The following CCDC40 variants were observed in gnomAD, a reference collection of about 807,000 sequenced individuals.
CCDC40 encodes coiled-coil domain 40 molecular ruler complex subunit, also known as coiled-coil domain-containing protein 40.
CCDC40 carries 104 observed loss-of-function variants against 124.5 expected under a neutral mutation model. The observed-to-expected ratio is 0.84, with a 90% confidence interval of 0.71 to 0.98. The LOEUF (loss-of-function observed/expected upper bound fraction) is 0.98. Ranked by LOEUF, CCDC40 falls within the 50% of genes least tolerant of loss-of-function variation. The pLI, the probability that CCDC40 is intolerant of heterozygous loss-of-function variation, is 0.00. For missense variants in CCDC40, 1,463 were observed against 1,503.9 expected (o/e 0.97, Z 0.45); for synonymous variants, 580 against 602.9 (o/e 0.96, Z 0.56).
chr17:80,053,214 G>C (rs2037650942), intron 7 of CCDC40, among the ~76,000 whole-genome samples: 1 of 152,204 alleles, frequency 6.6e-6, no homozygotes, highest in Non-Finnish European at 1.5e-5. Flanking sequence ...AGCTGAAAGA[G>C]AAAATAAACC....
intron 1 of CCDC40, 167 bp from the exon 2 acceptor site, chr17:80,037,956 G>GAT: frequency 4.9e-6 from 3 of 613,018 alleles, no homozygotes; most frequent in Non-Finnish European, 9.2e-6. Context: ...TGACAGGCAT[G>GAT]ATATAGTGCT....
chr17:80,082,222 A>C (rs959373864), intron 12 of CCDC40, among the ~76,000 whole-genome samples, 164 bp downstream of exon 12: 3 of 708 alleles, frequency 4.2e-3, no homozygotes, highest in Non-Finnish European at 8.6e-3. Context: ...ATACATTTTT[A>C]CTGTAGAAAA....
intron 17 of CCDC40, 37 bp downstream of exon 17, chr17:80,089,921 G>A (rs1395951862): frequency 4.3e-6 from 7 of 1,611,546 alleles, no homozygotes; most frequent in Non-Finnish European, 5.1e-6. Context: ...GGCCTGCTGG[G>A]TGCCAGCCCT....
chr17:80,047,365 G>T lies in CCDC40; in HGVS notation c.639G>T (p.Glu213Asp). The T allele has an allele frequency of 6.2e-7, 1 of 1,613,700 alleles. No individual in the cohort carries two copies. The highest frequency in any genetic ancestry group is 8.5e-7 in the Non-Finnish European group (1 of 1,179,896). ...RFRLSHGSDI[E>D]SSDLEEFVSQ... is the part of the protein sequence containing the mutation. ...GGCTGAGCCACGGGAGCGACATCGA[G>T]TCCTCAGACCTGGAGGAGTTCGTCT... Residue 213 changes from glutamate to aspartate, a missense_variant, in exon 4 of 20, where the codon GAG becomes GAT. Coordinates refer to ENST00000397545, the MANE Select transcript of CCDC40 (RefSeq NM_017950.4).
In CCDC40 at chr17:80,045,692, A is replaced by G. The variant is rs946680980; in HGVS notation, c.553-1587A>G. On this transcript the variant is annotated intron_variant, in intron 3 of 19. Transcript: ENST00000397545. ...GCACTCCAGCCTGGGCGACAGAGCG[A>G]GAGTCCATCTCAAAAACAACAACAA... Among the ~76,000 whole-genome samples the G allele has an allele frequency of 2.6e-5, 4 of 152,046 alleles. No homozygotes were observed. The East Asian group carries it at 5.8e-4, about 22-fold the overall frequency.
intron 10 of CCDC40, among the ~76,000 whole-genome samples, chr17:80,078,044 G>A (rs902125836): frequency 1.3e-5 from 2 of 151,950 alleles, no homozygotes; most frequent in South Asian, 2.1e-4. Flanking sequence ...ATCTCTAAGG[G>A]TCAGGCCGGG....
intron 7 of CCDC40, among the ~76,000 whole-genome samples, chr17:80,052,515 A>T (rs1307839414): frequency 2.0e-5 from 3 of 152,172 alleles, no homozygotes; most frequent in Non-Finnish European, 4.4e-5. Flanking sequence ...ACCCTCACAG[A>T]CACACCCAGG....
At chr17:80,088,165 C>A (rs895227837) in intron 16 of CCDC40, 63 bp downstream of exon 16, 5 of 1,143,152 alleles carry the variant, frequency 4.4e-6, no homozygotes, top group Non-Finnish European at 5.3e-6. Context: ...GGCCTCTGTC[C>A]GTTGAAGACC....
chr17:80,061,153 C>T (rs1324924826), intron 9 of CCDC40, among the ~76,000 whole-genome samples: 2 of 151,954 alleles, frequency 1.3e-5, no homozygotes, highest in African/African-American at 4.9e-5. Context: ...CGAGACCAGC[C>T]TGGCCCGCAT....
rs528903978 is a variant in CCDC40 at position 80,059,038 on chromosome 17, G to A, written c.1440+58G>A. ...ACCCTCCAGTGAGTGTCCACGCACA[G>A]GGTGCTGGTGGGTCTACTAGACTGC... On this transcript the variant is annotated intron_variant, in intron 9 of 19. Transcript: ENST00000397545. 17 of 1,605,000 alleles carry A rather than the reference G, an allele frequency of 1.1e-5. No homozygotes were observed. In the East Asian group the frequency reaches 2.9e-4, roughly 27 times the overall value.
At chr17:80,042,408 T>A (rs1350964008) in intron 3 of CCDC40, among the ~76,000 whole-genome samples, 1 of 152,150 alleles carries the variant, frequency 6.6e-6, no homozygotes, top group Non-Finnish European at 1.5e-5. Flanking sequence ...GTGTGAGCCA[T>A]CGCTCCTGCC....
intron 10 of CCDC40, among the ~76,000 whole-genome samples, chr17:80,077,469 G>A (rs756559680): frequency 6.6e-6 from 1 of 152,222 alleles, no homozygotes; most frequent in Admixed American, 6.5e-5. Flanking sequence ...GTTGCAGTGA[G>A]CCGAGATTGC....
rs910736824 is a variant in CCDC40 at position 80,058,090 on chromosome 17, T to G, written c.1160-404T>G. 3.3e-5 allele frequency among the ~76,000 whole-genome samples: 5 copies of G among 152,090 alleles called. No homozygotes were observed. Among genetic ancestry groups the G allele is most frequent in the Non-Finnish European group, 5.9e-5 (4 of 68,022 alleles). Reference sequence around the variant, plus strand: ...TGTGGAGCTCAGCCTGCCCTGGATGTTCTCGTCTCCTCCCAGGGGACTTAA... The same window carrying G: ...TGTGGAGCTCAGCCTGCCCTGGATGGTCTCGTCTCCTCCCAGGGGACTTAA... On this transcript the variant is annotated intron_variant, in intron 7 of 19. Transcript: ENST00000397545. The surrounding 1 kb of genome is among the most constrained non-coding windows in gnomAD (Gnocchi z 4.2).
intron 19 of CCDC40, chr17:80,097,701 G>T: frequency 2.4e-6 from 1 of 420,166 alleles, no homozygotes. Context: ...TACCTCCTGG[G>T]GCAGGAGGAC....
chr17:80,092,637 G>T (rs1304936082), intron 17 of CCDC40, among the ~76,000 whole-genome samples: 1 of 152,118 alleles, frequency 6.6e-6, no homozygotes, highest in East Asian at 1.9e-4. Context: ...TAGAGACAGG[G>T]TTTCGCTCTG....
chr17:80,066,563 C>T lies in CCDC40; in HGVS notation c.1562+957C>T, dbSNP rs922276422. 1 of 184,678 alleles carries T rather than the reference C, an allele frequency of 5.4e-6. No individual in the cohort carries two copies. Among genetic ancestry groups the T allele is most frequent in the African/African-American group, 2.4e-5 (1 of 42,096 alleles). The allele number at this position is 184,678 out of a possible 1,614,324, so 11.4% of individuals were successfully genotyped here. On this transcript the variant is annotated intron_variant, in intron 10 of 19. Coordinates refer to ENST00000397545, the MANE Select transcript of CCDC40 (RefSeq NM_017950.4). The surrounding 1 kb of genome is among the most constrained non-coding windows in gnomAD (Gnocchi z 4.4). The stretch of plus-strand genomic sequence containing the variant: ...ACGAGGCCAGGAGTTCAAGACCAGC[C>T]TGGCCAAGATGGTGAAACCCCGTCT...
chr17:80,037,688 A>AATATATATATATATATATATATAT, intron 1 of CCDC40, among the ~76,000 whole-genome samples: 2 of 45,676 alleles, frequency 4.4e-5, no homozygotes, highest in African/African-American at 5.9e-5. Flanking sequence ...TTTTTTAAAA[A>AATATATATATATATATATATATAT]AGATATACAT....
In CCDC40 at chr17:80,065,498, T is replaced by C; in HGVS notation, c.1454T>C (p.Ile485Thr). Residue 485 changes from isoleucine to threonine, a missense_variant, in exon 10 of 20, where the codon ATC becomes ACC. Physicochemically the swap from Ile to Thr is moderately conservative, Grantham distance 89. Coordinates refer to ENST00000397545, the MANE Select transcript of CCDC40 (RefSeq NM_017950.4). ...RKAVSEACTEIDAISVEKRRI... is the reference protein window; with the variant it reads ...RKAVSEACTETDAISVEKRRI... Reference sequence around the variant, plus strand: ...TGTTGGCTGCAGGCCTGCACCGAGATCGACGCCATCAGCGTGGAGAAGAGG... The same window carrying C: ...TGTTGGCTGCAGGCCTGCACCGAGACCGACGCCATCAGCGTGGAGAAGAGG... 1.2e-6 allele frequency: 2 copies of C among 1,612,166 alleles called. No individual in the cohort carries two copies. The highest frequency in any genetic ancestry group is 2.2e-5 in the East Asian group (1 of 44,742).
chr17:80,089,709 C>T (rs1454311736), intron 16 of CCDC40, 55 bp from the exon 17 acceptor site: 13 of 1,607,630 alleles, frequency 8.1e-6, no homozygotes, highest in African/African-American at 4.0e-5. Flanking sequence ...GTGAGCTCAC[C>T]GAAGCATCAG....
Sources: allele counts gnomAD v4.1 joint callset (sites outside exome capture counted in the v4.1 genomes callset), GRCh38; gene constraint gnomAD v4.1.1; non-coding constraint Gnocchi (gnomAD v3.1); transcripts MANE v1.5; gene names NCBI Gene and HGNC (gene_info 2026-07-23, HGNC 2026-07-21).